Variants in ARHGAP15 observed in about 807,000 individuals in gnomAD.
The protein encoded by ARHGAP15 is rho GTPase-activating protein 15.
ARHGAP15 carries 51 observed loss-of-function variants against 63.7 expected under a neutral mutation model. That is an observed-to-expected ratio of 0.80 (90% CI 0.64 to 1.01). The LOEUF (loss-of-function observed/expected upper bound fraction) is 1.01, where lower values mean the gene tolerates loss of function less well. Ranked by LOEUF, ARHGAP15 falls within the 50% of genes least tolerant of loss-of-function variation. The probability of loss-of-function intolerance (pLI) is 0.00; values close to 1 mark genes in which losing one functional copy is unlikely to be tolerated. For missense variants in ARHGAP15, 560 were observed against 564.6 expected, an observed-to-expected ratio of 0.99 and a Z score of 0.08; for synonymous variants, 191 against 193.8, an observed-to-expected ratio of 0.99 and a Z score of 0.12.
intron 6 of ARHGAP15, among the ~76,000 whole-genome samples, chr2:143,320,410 C>G (rs868589368): frequency 0.043 from 826 of 19,008 alleles, 67 homozygotes; most frequent in African/African-American, 0.13. Context: ...ACTTCCCCAC[C>G]CCCCCCCCCC....
intron 11 of ARHGAP15, among the ~76,000 whole-genome samples, chr2:143,594,634 G>T (rs1162154986): frequency 1.3e-5 from 2 of 152,100 alleles, no homozygotes; most frequent in African/African-American, 4.8e-5. Flanking sequence ...AGCCTATTTT[G>T]TTTCTGATGT....
At chr2:143,647,612 A>T (rs895178130) in intron 12 of ARHGAP15, among the ~76,000 whole-genome samples, 4 of 151,994 alleles carry the variant, frequency 2.6e-5, no homozygotes, top group Non-Finnish European at 5.9e-5. Flanking sequence ...TCAGTCATCC[A>T]AGCAGTAATT....
At chr2:143,412,388 A>G (rs1309183848) in intron 6 of ARHGAP15, among the ~76,000 whole-genome samples, 2 of 151,948 alleles carry the variant, frequency 1.3e-5, no homozygotes, top group Admixed American at 6.6e-5. Flanking sequence ...TATAATGGTG[A>G]TATTTGAATT....
intron 5 of ARHGAP15, among the ~76,000 whole-genome samples, chr2:143,244,122 A>G (rs1382275933): frequency 1.3e-5 from 2 of 152,216 alleles, no homozygotes; most frequent in Non-Finnish European, 2.9e-5. Flanking sequence ...ATTGGAATCA[A>G]TCCAGATATT....
At chr2:143,335,133 C>G (rs557417772) in intron 6 of ARHGAP15, among the ~76,000 whole-genome samples, 3 of 152,226 alleles carry the variant, frequency 2.0e-5, no homozygotes, top group Non-Finnish European at 2.9e-5. Context: ...TTCAGTGTTC[C>G]CAAACATATC....
intron 13 of ARHGAP15, among the ~76,000 whole-genome samples, chr2:143,733,468 T>C (rs928998418): frequency 1.3e-5 from 2 of 152,164 alleles, no homozygotes; most frequent in Non-Finnish European, 2.9e-5. Context: ...TCTGTGTGGA[T>C]TGAGGATTTG....
chr2:143,152,464 G>A (rs901618023), intron 1 of ARHGAP15, among the ~76,000 whole-genome samples: 1 of 151,906 alleles, frequency 6.6e-6, no homozygotes, highest in African/African-American at 2.4e-5. Flanking sequence ...CCCCACCTGG[G>A]CACTGCCCTA....
At chr2:143,531,240 G>A (rs1335797431) in intron 10 of ARHGAP15, among the ~76,000 whole-genome samples, 1 of 152,078 alleles carries the variant, frequency 6.6e-6, no homozygotes, top group Non-Finnish European at 1.5e-5. Flanking sequence ...AAATATAAAT[G>A]TAATTATAGC....
chr2:143,657,453 G>A (rs774359171), intron 12 of ARHGAP15, among the ~76,000 whole-genome samples: 2 of 152,150 alleles, frequency 1.3e-5, no homozygotes, highest in Non-Finnish European at 2.9e-5. Context: ...ATAGTATGTC[G>A]CTGATGTACA....
At chr2:143,701,822 C>T (rs996271600) in intron 12 of ARHGAP15, among the ~76,000 whole-genome samples, 1 of 152,332 alleles carries the variant, frequency 6.6e-6, no homozygotes. Context: ...GTGTATTTCA[C>T]TCCACAGAGC....
intron 6 of ARHGAP15, among the ~76,000 whole-genome samples, chr2:143,343,394 CAG>C (rs1685144836): frequency 6.6e-6 from 1 of 151,704 alleles, no homozygotes; most frequent in South Asian, 2.1e-4. Flanking sequence ...CAGAAAGGGT[CAG>C]AGAAAAAAGT....
intron 10 of ARHGAP15, among the ~76,000 whole-genome samples, chr2:143,539,838 G>A (rs1397011603): frequency 6.6e-6 from 1 of 152,056 alleles, no homozygotes; most frequent in Non-Finnish European, 1.5e-5. Flanking sequence ...GTGTGGTGCT[G>A]AAAAGAATGT....
intron 13 of ARHGAP15, among the ~76,000 whole-genome samples, chr2:143,749,444 G>A (rs1392711613): frequency 6.6e-6 from 1 of 152,116 alleles, no homozygotes; most frequent in Admixed American, 6.5e-5. Context: ...CCTTCATGAT[G>A]CCACATTAAG....
At chr2:143,333,024 G>A (rs1171592062) in intron 6 of ARHGAP15, among the ~76,000 whole-genome samples, 1 of 150,470 alleles carries the variant, frequency 6.6e-6, no homozygotes, top group Non-Finnish European at 1.5e-5. Context: ...ATGCAAGTTG[G>A]CATCGTCAGA....
intron 12 of ARHGAP15, among the ~76,000 whole-genome samples, chr2:143,686,625 G>A (rs1683363438): frequency 6.6e-6 from 1 of 152,030 alleles, no homozygotes; most frequent in Admixed American, 6.6e-5. Context: ...TTGTGAAAAT[G>A]GTATAAATGC....
intron 1 of ARHGAP15, among the ~76,000 whole-genome samples, chr2:143,149,701 T>C (rs181118214): frequency 4.2e-4 from 64 of 152,180 alleles, no homozygotes; most frequent in African/African-American, 1.5e-3. Flanking sequence ...ATCCATAGTT[T>C]ATTTACTCTA....
At chr2:143,299,322 G>C (rs1214120968) in intron 6 of ARHGAP15, among the ~76,000 whole-genome samples, 2 of 151,926 alleles carry the variant, frequency 1.3e-5, no homozygotes, top group Admixed American at 1.3e-4. Flanking sequence ...TATTTTCCCA[G>C]TGAGTCAGAT....
rs140860061 is a variant in ARHGAP15, at chr2:143,324,877, C to T, written c.474+74277C>T. Among the ~76,000 whole-genome samples, 11 of 152,240 alleles carry T rather than the reference C, an allele frequency of 7.2e-5. No homozygotes were observed. The East Asian group carries it at 1.9e-3, about 27-fold the overall frequency. On this transcript the variant is annotated intron_variant, in intron 6 of 13. Transcript: ENST00000295095. Reference sequence around the variant, plus strand: ...TCTGTGGTAAACCTAAGTGACTAGGCTGTGGCCCGTGAACAGCTTTTGTTT... The same window carrying T: ...TCTGTGGTAAACCTAAGTGACTAGGTTGTGGCCCGTGAACAGCTTTTGTTT...
intron 6 of ARHGAP15, among the ~76,000 whole-genome samples, chr2:143,282,830 G>A (rs1681917162): frequency 6.6e-6 from 1 of 152,130 alleles, no homozygotes; most frequent in Non-Finnish European, 1.5e-5. Flanking sequence ...TAGAAGGTTA[G>A]CCCTTTTCTG....
Sources: gnomAD v4.1 joint callset for allele counts (sites outside exome capture counted in the v4.1 genomes callset) on GRCh38, gnomAD v4.1.1 for gene constraint, MANE v1.5 for transcripts, NCBI Gene and HGNC (gene_info 2026-07-23, HGNC 2026-07-21) for gene names.